Variants in ZNF385D observed in about 807,000 individuals in gnomAD.
ZNF385D encodes zinc finger protein 385D, also known as zinc finger protein 659.
In ZNF385D, 15 loss-of-function variants were observed where a neutral mutation model predicts 35.8. The ratio of observed to expected loss-of-function variants is 0.42; its 90% CI spans 0.28 to 0.64. ZNF385D has a LOEUF of 0.64. Among genes scored for constraint, ZNF385D ranks in the 30% least tolerant of loss-of-function variants. The pLI, the probability that ZNF385D is intolerant of heterozygous loss-of-function variation, is 0.23. For missense variants in ZNF385D, 474 were observed against 494.6 expected (o/e 0.96, Z 0.39); for synonymous variants, 212 against 186.8 (o/e 1.13, Z -1.10).
At chr3:21,690,558 G>A (rs909695522) in intron 1 of ZNF385D, among the ~76,000 whole-genome samples, 2 of 152,064 alleles carry the variant, frequency 1.3e-5, no homozygotes, top group African/African-American at 4.8e-5. Context: ...ATTTCCTCAT[G>A]TTCTTTGACA....
chr3:22,081,757 A>C (rs1052185503), intron 3 of ZNF385D, among the ~76,000 whole-genome samples: 4 of 152,194 alleles, frequency 2.6e-5, no homozygotes, highest in African/African-American at 7.2e-5. Flanking sequence ...CTATTGCCCC[A>C]AAACGCTAAA....
chr3:21,787,388 A>T (rs1365116907), intron 3 of ZNF385D, among the ~76,000 whole-genome samples: 3 of 152,192 alleles, frequency 2.0e-5, no homozygotes, highest in Non-Finnish European at 4.4e-5. Context: ...TGAAGAGCTA[A>T]AACAAAAATA....
intron 3 of ZNF385D, among the ~76,000 whole-genome samples, chr3:21,813,699 C>A (rs140912867): frequency 0.075 from 11,363 of 151,966 alleles, 661 homozygotes; most frequent in East Asian, 0.31. Flanking sequence ...ATATGGGACT[C>A]TGTGAAAAGA....
At chr3:21,880,484 A>G (rs1480912922) in intron 3 of ZNF385D, among the ~76,000 whole-genome samples, 1 of 152,026 alleles carries the variant, frequency 6.6e-6, no homozygotes, top group Non-Finnish European at 1.5e-5. Flanking sequence ...AACTGTGCCT[A>G]TAAGAGATGG....
chr3:21,785,160 C>T (rs907816015), intron 3 of ZNF385D, among the ~76,000 whole-genome samples: 2 of 152,134 alleles, frequency 1.3e-5, no homozygotes, highest in Non-Finnish European at 2.9e-5. Flanking sequence ...GCCCCCAAAT[C>T]ACGTAACTAT....
chr3:22,004,566 G>A (rs569737174), intron 3 of ZNF385D, among the ~76,000 whole-genome samples: 1 of 152,164 alleles, frequency 6.6e-6, no homozygotes, highest in East Asian at 1.9e-4. Context: ...ATACAAGCTG[G>A]GAGCTCCTTA....
Position 22,290,991 on chromosome 3 carries a change from T to C in ZNF385D, c.106+81459A>G, listed in dbSNP as rs531480375. On this transcript the variant is annotated intron_variant, in intron 2 of 5. Transcript: ENST00000494108. The stretch of plus-strand genomic sequence containing the variant: ...GAGACTGCTCTGATACTTCTTCTTA[T>C]ATGGGCACTACTCCCATCAATGAAG... Among the ~76,000 whole-genome samples the C allele has an allele frequency of 9.2e-5, 14 of 152,280 alleles. No individual in the cohort carries two copies. In the South Asian group the frequency reaches 2.5e-3, roughly 27 times the overall value.
intron 2 of ZNF385D, among the ~76,000 whole-genome samples, chr3:22,263,776 T>A (rs1559486363): frequency 6.6e-6 from 1 of 152,012 alleles, no homozygotes; most frequent in Non-Finnish European, 1.5e-5. Context: ...TTTGGATACA[T>A]TTTTTATTGT....
At position 21,437,074 on chromosome 3, in the gene ZNF385D, C is replaced by T. The variant is rs1359814359; in HGVS notation, c.569G>A (p.Cys190Tyr). The change falls in exon 5 of 8, where the codon TGT becomes TAT. Residue 190 changes from cysteine to tyrosine, a missense_variant. Cys to Tyr is a radical substitution (Grantham distance 194). Coordinates refer to ENST00000281523, the MANE Select transcript of ZNF385D (RefSeq NM_024697.3). ...TTCTTCCTCGGTCTCAGTAGAAGGA[C>T]ATGAGCTATTGCCAGTGGCTGTCGT... is the stretch of plus-strand genomic sequence containing the variant. ...SPTTATGNSS[C>Y]PSTETEEEKA... 3 of 1,614,004 alleles carry T rather than the reference C, an allele frequency of 1.9e-6. No individual in the cohort carries two copies. The highest frequency in any genetic ancestry group is 2.5e-6 in the Non-Finnish European group (3 of 1,179,896).
rs538945050 is a variant in ZNF385D at position 22,269,227 on chromosome 3, G to T, written c.107-100192C>A. ...ACTAATCATTGTCTAACATATAGTT[G>T]GGAAATGTAAAATGAATGAGAGAAG... On this transcript the variant is annotated intron_variant, in intron 2 of 5. Coordinates refer to the ZNF385D transcript ENST00000494108. 1.1e-4 allele frequency among the ~76,000 whole-genome samples: 17 copies of T among 152,012 alleles called. No homozygotes were observed. In the South Asian group the frequency reaches 2.3e-3, roughly 20 times the overall value.
At chr3:22,250,199 A>G (rs1381291263) in intron 2 of ZNF385D, among the ~76,000 whole-genome samples, 2 of 152,138 alleles carry the variant, frequency 1.3e-5, no homozygotes, top group African/African-American at 2.4e-5. Flanking sequence ...ATAAGATACA[A>G]TTTAAAAATC....
intron 2 of ZNF385D, among the ~76,000 whole-genome samples, chr3:22,297,019 C>A (rs937923811): frequency 2.1e-4 from 32 of 152,034 alleles, no homozygotes; most frequent in Middle Eastern, 3.2e-3. Flanking sequence ...TAAGTGGAGG[C>A]CCTCATACTC....
intron 2 of ZNF385D, among the ~76,000 whole-genome samples, chr3:22,284,599 T>C (rs962233561): frequency 6.6e-6 from 1 of 151,824 alleles, no homozygotes; most frequent in Non-Finnish European, 1.5e-5. Flanking sequence ...CGCTAGACAC[T>C]GTGGCTGATC....
At chr3:21,455,797 C>G (rs934632468) in intron 4 of ZNF385D, among the ~76,000 whole-genome samples, 2 of 152,120 alleles carry the variant, frequency 1.3e-5, no homozygotes, top group Non-Finnish European at 2.9e-5. Context: ...TCAGAGTGAA[C>G]AGGCAACCTA....
intron 1 of ZNF385D, among the ~76,000 whole-genome samples, chr3:21,699,822 CCTTTTTTTTTT>C (rs2067608692): frequency 7.9e-5 from 11 of 138,530 alleles, no homozygotes; most frequent in African/African-American, 3.0e-4. Flanking sequence ...TGTTTCTTTT[CCTTTTTTTTTT>C]TTTTTTTTTT....
At chr3:22,032,171 G>A (rs562203623) in intron 3 of ZNF385D, among the ~76,000 whole-genome samples, 13 of 152,286 alleles carry the variant, frequency 8.5e-5, no homozygotes, top group African/African-American at 3.1e-4. Context: ...AACTTCCGAA[G>A]TTTCCCACAT....
At chr3:22,135,625 ACT>A (rs1216230564) in intron 3 of ZNF385D, among the ~76,000 whole-genome samples, 1 of 152,178 alleles carries the variant, frequency 6.6e-6, no homozygotes, top group Non-Finnish European at 1.5e-5. Context: ...TAATAAGCTG[ACT>A]CTACAACTTA....
At chr3:21,653,735 A>AT (rs1158329356) in intron 2 of ZNF385D, among the ~76,000 whole-genome samples, 7 of 152,042 alleles carry the variant, frequency 4.6e-5, no homozygotes, top group African/African-American at 1.7e-4. Flanking sequence ...TACTTAATGA[A>AT]TTTTTTTACC....
At chr3:22,057,260 C>A (rs1006953048) in intron 3 of ZNF385D, among the ~76,000 whole-genome samples, 1 of 152,108 alleles carries the variant, frequency 6.6e-6, no homozygotes, top group African/African-American at 2.4e-5. Flanking sequence ...ATAGAAATTA[C>A]AAGAATAATA....
Sources: allele counts gnomAD v4.1 joint callset (sites outside exome capture counted in the v4.1 genomes callset), GRCh38; gene constraint gnomAD v4.1.1; transcripts MANE v1.5; gene names NCBI Gene and HGNC (gene_info 2026-07-23, HGNC 2026-07-21).